The following TMOD2 variants were observed in gnomAD, a reference collection of about 807,000 sequenced individuals.
TMOD2 encodes tropomodulin 2.
In TMOD2, 22 loss-of-function variants were observed where a neutral mutation model predicts 39.9. That is an observed-to-expected ratio of 0.55 (90% confidence interval 0.39 to 0.79). The LOEUF (loss-of-function observed/expected upper bound fraction) is 0.79. TMOD2 is among the 30% of genes least tolerant of loss of function. The pLI is 0.00. For synonymous variants in TMOD2, 123 were observed against 146.1 expected, an observed-to-expected ratio of 0.84 and a Z score of 1.14; for missense variants, 386 against 413.3, an observed-to-expected ratio of 0.93 and a Z score of 0.57.
Position 51,809,794 on chromosome 15 carries a change from CT to C in TMOD2, c.*1341del. The stretch of plus-strand genomic sequence containing the variant: ...TTCCTCTTTTCTCTGTAATTTGTTA[CT>C]AAACAAATTCCAGAATTTGTTTAGT... On this transcript the variant is annotated 3_prime_UTR_variant, in exon 10 of 10. Transcript: ENST00000249700. 6.6e-6 allele frequency: 1 copy of C among 151,962 alleles called. No individual in the cohort carries two copies. Among genetic ancestry groups the C allele is most frequent in the East Asian group, 1.9e-4 (1 of 5,188 alleles). The allele number at this position is 151,962 out of a possible 1,614,324, so 9.4% of individuals were successfully genotyped here.
intron 7 of TMOD2, among the ~76,000 whole-genome samples, chr15:51,789,980 G>A (rs2055999008): frequency 6.6e-6 from 1 of 152,100 alleles, no homozygotes; most frequent in South Asian, 2.1e-4. Context: ...ATATTCAAAA[G>A]CTAGCAGAAA....
intron 7 of TMOD2, among the ~76,000 whole-genome samples, chr15:51,787,272 C>G (rs1369455164): frequency 2.6e-5 from 4 of 152,158 alleles, no homozygotes; most frequent in Non-Finnish European, 5.9e-5. Context: ...TAGAGCTTGG[C>G]GGGGGGAGGG....
At chr15:51,774,558 C>T (rs1300779682) in intron 4 of TMOD2, among the ~76,000 whole-genome samples, 1 of 152,184 alleles carries the variant, frequency 6.6e-6, no homozygotes, top group Non-Finnish European at 1.5e-5. Context: ...AGAATAATAA[C>T]CTCTTTCCTC....
Position 51,757,319 on chromosome 15 carries a change from G to A in TMOD2, c.-70+5607G>A, listed in dbSNP as rs945723222. Among the ~76,000 whole-genome samples the A allele has an allele frequency of 4.7e-5, 7 of 150,490 alleles. No homozygotes were observed. In the South Asian group the frequency reaches 6.3e-4, roughly 14 times the overall value. ...CGGGAGGCTGAGGCAGGAGAATGGCGTGAACCCGGGAGGCAGAGCTTGCAG... is the reference window on the plus strand; with the variant it reads ...CGGGAGGCTGAGGCAGGAGAATGGCATGAACCCGGGAGGCAGAGCTTGCAG... On this transcript the variant is annotated intron_variant, in intron 1 of 9. Coordinates refer to ENST00000249700, the MANE Select transcript of TMOD2 (RefSeq NM_014548.4).
chr15:51,790,666 C>A (rs868773401), intron 7 of TMOD2, among the ~76,000 whole-genome samples: 6 of 152,106 alleles, frequency 3.9e-5, no homozygotes, highest in Non-Finnish European at 7.4e-5. Flanking sequence ...ATGATCAAGT[C>A]GCCTTCATCC....
intron 2 of TMOD2, 71 bp from the exon 3 acceptor site, chr15:51,768,191 G>A: frequency 6.4e-7 from 1 of 1,556,958 alleles, no homozygotes; most frequent in Non-Finnish European, 8.8e-7. Flanking sequence ...AGTGAGTGGG[G>A]GTGGAAGAGG....
intron 7 of TMOD2, among the ~76,000 whole-genome samples, chr15:51,793,907 A>G (rs2056029985): frequency 6.6e-6 from 1 of 152,234 alleles, no homozygotes; most frequent in Non-Finnish European, 1.5e-5. Flanking sequence ...TCAGATTAAA[A>G]TGTATAGATT....
chr15:51,806,270 C>A (rs926525915), intron 8 of TMOD2, 107 bp from the exon 9 acceptor site: 47 of 1,284,396 alleles, frequency 3.7e-5, no homozygotes, highest in Non-Finnish European at 4.6e-5. Context: ...GAGACCTTTG[C>A]CTCTTTGCCT....
chr15:51,761,178 C>A (rs542674781), intron 1 of TMOD2, among the ~76,000 whole-genome samples: 1 of 152,070 alleles, frequency 6.6e-6, no homozygotes, highest in African/African-American at 2.4e-5. Context: ...AGAAATCTTT[C>A]AAGATGCAAT....
Position 51,772,668 on chromosome 15 carries a change from G to A in TMOD2, c.284-1044G>A, listed in dbSNP as rs535680217. On this transcript the variant is annotated intron_variant, in intron 3 of 9. Transcript: ENST00000249700. The stretch of plus-strand genomic sequence containing the variant: ...CTGCTCACAGAACCCCACTAGCTCC[G>A]AGTATAGTGACCCTGATTTTTCCTT... 6.0e-4 allele frequency among the ~76,000 whole-genome samples: 91 copies of A among 152,298 alleles called. 1 individual carries two copies. Among genetic ancestry groups the A allele is most frequent in the African/African-American group, 2.1e-3 (87 of 41,550 alleles).
At chr15:51,755,370 T>A (rs1380341406) in intron 1 of TMOD2, among the ~76,000 whole-genome samples, 1 of 152,218 alleles carries the variant, frequency 6.6e-6, no homozygotes, top group Non-Finnish European at 1.5e-5. Flanking sequence ...TGTTTTGGCA[T>A]CAAGGCTGCC....
chr15:51,802,152 C>A (rs150787047), intron 8 of TMOD2, among the ~76,000 whole-genome samples: 62 of 150,656 alleles, frequency 4.1e-4, no homozygotes, highest in Admixed American at 1.1e-3. Context: ...TTTTATATGC[C>A]CCCCAATTTA....
intron 7 of TMOD2, chr15:51,784,214 C>G (rs924440015): frequency 6.6e-6 from 1 of 152,244 alleles, no homozygotes; most frequent in Non-Finnish European, 1.5e-5. Flanking sequence ...GATTTACACA[C>G]AATGCCTGGC....
intron 8 of TMOD2, among the ~76,000 whole-genome samples, chr15:51,803,931 C>T (rs1300195139): frequency 6.6e-6 from 1 of 152,154 alleles, no homozygotes; most frequent in Non-Finnish European, 1.5e-5. Flanking sequence ...AAATTTTCAC[C>T]AACTGTATAG....
intron 7 of TMOD2, among the ~76,000 whole-genome samples, chr15:51,785,755 A>G (rs1231446606): frequency 4.6e-5 from 7 of 152,176 alleles, no homozygotes; most frequent in Admixed American, 4.6e-4. Flanking sequence ...CTTGTATTCA[A>G]TAATTTATTA....
intron 7 of TMOD2, among the ~76,000 whole-genome samples, chr15:51,793,157 T>C (rs1401145497): frequency 6.6e-6 from 1 of 152,204 alleles, no homozygotes; most frequent in Non-Finnish European, 1.5e-5. Context: ...AATGGGGTTA[T>C]GTCCAGATAA....
At position 51,812,678 on chromosome 15, in the gene TMOD2, G is replaced by A. The variant is rs2056163614; in HGVS notation, c.*4224G>A. ...CATCAGCAAAAATGGGCAGAGGGCG[G>A]GAAGTTGAGAACACTAGGTTCTGTG... On this transcript the variant is annotated 3_prime_UTR_variant, in exon 10 of 10. Transcript: ENST00000249700. 1 of 152,204 alleles carries A rather than the reference G, an allele frequency of 6.6e-6. No homozygotes were observed. The highest frequency in any genetic ancestry group is 1.5e-5 in the Non-Finnish European group (1 of 68,048). The allele number at this position is 152,204 out of a possible 1,614,324, so 9.4% of individuals were successfully genotyped here. A position where few individuals can be genotyped will look rare whatever the true frequency, so the allele number is the denominator to read the frequency against.
chr15:51,772,818 G>T (rs2055862302), intron 3 of TMOD2, among the ~76,000 whole-genome samples: 1 of 152,152 alleles, frequency 6.6e-6, no homozygotes, highest in South Asian at 2.1e-4. Context: ...GAGCGCTCCA[G>T]GGGATCACCA....
At chr15:51,778,249 C>T (rs1241922916) in intron 5 of TMOD2, among the ~76,000 whole-genome samples, 42 of 147,852 alleles carry the variant, frequency 2.8e-4, no homozygotes, top group Admixed American at 2.8e-3. Context: ...AAAAAACCAA[C>T]ACCGCATCTT....
Sources: gnomAD v4.1 joint callset for allele counts (sites outside exome capture counted in the v4.1 genomes callset) on GRCh38, gnomAD v4.1.1 for gene constraint, MANE v1.5 for transcripts, NCBI Gene and HGNC (gene_info 2026-07-23, HGNC 2026-07-21) for gene names.